The following SYNE2 variants were observed in gnomAD, a reference collection of about 807,000 sequenced individuals.
SYNE2 encodes spectrin repeat containing nuclear envelope protein 2, also known as nesprin-2.
SYNE2 carries 431 observed loss-of-function variants against 856.3 expected under a neutral mutation model. The ratio of observed to expected loss-of-function variants is 0.50; its 90% CI spans 0.47 to 0.55. The LOEUF (loss-of-function observed/expected upper bound fraction) is 0.55, where lower values mean the gene tolerates loss of function less well. Among genes scored for constraint, SYNE2 ranks in the 20% least tolerant of loss-of-function variants. The pLI, the probability that SYNE2 is intolerant of heterozygous loss-of-function variation, is 0.00. For missense variants in SYNE2, 8,129 were observed against 8,023.2 expected (o/e 1.01, Z -0.50); for synonymous variants, 2,923 against 2,872.3 (o/e 1.02, Z -0.56).
upstream of SYNE2, among the ~76,000 whole-genome samples, chr14:63,848,794 G>A (rs1207139349): frequency 6.6e-6 from 1 of 152,204 alleles, no homozygotes; most frequent in Non-Finnish European, 1.5e-5. Context: ...TTGCAATAAT[G>A]ACAGCTATCA....
intron 1 of SYNE2, among the ~76,000 whole-genome samples, chr14:63,882,440 G>C (rs891000859): frequency 6.6e-6 from 1 of 152,102 alleles, no homozygotes; most frequent in African/African-American, 2.4e-5. Context: ...GAGGCCGGGT[G>C]AGCGGTGGCT....
At chr14:64,094,904 A>G in intron 61 of SYNE2, 1 of 167,434 alleles carries the variant, frequency 6.0e-6, no homozygotes. Context: ...TTTAGAGATG[A>G]GGTCTCACTG....
intron 1 of SYNE2, among the ~76,000 whole-genome samples, chr14:63,793,524 C>A (rs543402175): frequency 3.5e-5 from 5 of 143,864 alleles, no homozygotes; most frequent in Non-Finnish European, 1.5e-5. Flanking sequence ...AGTTGTCAAG[C>A]AACATGCTAA....
intron 78 of SYNE2, among the ~76,000 whole-genome samples, chr14:64,135,439 G>A (rs891065784): frequency 1.3e-5 from 2 of 151,648 alleles, no homozygotes; most frequent in Admixed American, 6.6e-5. Context: ...TCTCATTGCC[G>A]CCTTATTAAT....
chr14:64,094,367 A>G (rs376319265), intron 61 of SYNE2, among the ~76,000 whole-genome samples: 5 of 152,212 alleles, frequency 3.3e-5, no homozygotes, highest in South Asian at 2.1e-4. Context: ...ATAAAAAAAC[A>G]GTGTCCTGTG....
Position 64,210,116 on chromosome 14 carries a change from A to G in SYNE2, c.18715A>G (p.Arg6239Gly). Residue 6239 changes from arginine (R) to glycine (G), a missense_variant, in exon 103 of 116, where the codon AGA becomes GGA. Arg to Gly is a moderately radical substitution (Grantham distance 125). Around this residue, in one of 3 missense-constraint regions of SYNE2, gnomAD observed 5,410 missense variants for 5,284.8 expected, o/e 1.02. Transcript: ENST00000555002. ...LQRRVTAVLRRLRHFTNQREE... is the reference protein window; with the variant it reads ...LQRRVTAVLRGLRHFTNQREE... ...GAGGCGGGTCACAGCCGTCCTGCGG[A>G]GACTCAGGGTGAGCTCCTCTGCACC... The G allele has an allele frequency of 5.0e-6, 8 of 1,613,490 alleles. No homozygotes were observed. Among genetic ancestry groups the G allele is most frequent in the Non-Finnish European group, 6.8e-6 (8 of 1,179,698 alleles).
chr14:64,130,132 G>T lies in SYNE2; in HGVS notation c.14224G>T (p.Ala4742Ser), dbSNP rs768191476. The change falls in exon 76 of 116, where the codon GCT becomes TCT. Residue 4742 changes from alanine (A) to serine (S), a missense_variant. By Grantham distance (99) the Ala-to-Ser change is moderately conservative (BLOSUM62 1). Around this residue, in one of 3 missense-constraint regions of SYNE2, gnomAD observed 5,410 missense variants for 5,284.8 expected, o/e 1.02. Coordinates refer to ENST00000555002, the MANE Select transcript of SYNE2 (RefSeq NM_182914.3). The part of the protein sequence containing the change: ...SPFVTESQQD[A>S]LLQGMVELVK... Reference sequence around the variant, plus strand: ...TTTCGTCACTGAGAGCCAGCAAGATGCTTTGTTGCAAGGCATGGTGGAACT... The same window carrying T: ...TTTCGTCACTGAGAGCCAGCAAGATTCTTTGTTGCAAGGCATGGTGGAACT... The T allele has an allele frequency of 6.2e-7, 1 of 1,614,194 alleles. No individual in the cohort carries two copies. Among genetic ancestry groups the T allele is most frequent in the Non-Finnish European group, 8.5e-7 (1 of 1,180,032 alleles).
At chr14:64,003,670 G>T (rs2096772565) in intron 30 of SYNE2, among the ~76,000 whole-genome samples, 1 of 152,150 alleles carries the variant, frequency 6.6e-6, no homozygotes, top group African/African-American at 2.4e-5. Flanking sequence ...ACAGATGACT[G>T]GCAGACTCCA....
intron 45 of SYNE2, among the ~76,000 whole-genome samples, chr14:64,035,197 G>T (rs2097077191): frequency 6.6e-6 from 1 of 151,896 alleles, no homozygotes. Flanking sequence ...ATCTTGGAAG[G>T]TACAGGCAAA....
At chr14:64,097,309 A>G (rs528808988) in intron 61 of SYNE2, among the ~76,000 whole-genome samples, 77 of 152,138 alleles carry the variant, frequency 5.1e-4, no homozygotes, top group African/African-American at 1.8e-3. Flanking sequence ...AGAAAAAGTA[A>G]ATGATTGAGC....
At chr14:64,169,780 T>C (rs901359170) in intron 93 of SYNE2, among the ~76,000 whole-genome samples, 2 of 152,348 alleles carry the variant, frequency 1.3e-5, no homozygotes, top group Admixed American at 1.3e-4. Context: ...GTGTGAAGGA[T>C]ATTATTTATC....
intron 1 of SYNE2, among the ~76,000 whole-genome samples, chr14:63,900,847 A>G (rs1675210278): frequency 6.6e-6 from 1 of 152,226 alleles, no homozygotes; most frequent in South Asian, 2.1e-4. Flanking sequence ...TTCTGCTGTG[A>G]GCTTGTAAGT....
At chr14:63,893,633 C>G (rs368545365) in intron 1 of SYNE2, among the ~76,000 whole-genome samples, 44 of 152,296 alleles carry the variant, frequency 2.9e-4, no homozygotes, top group African/African-American at 1.0e-3. Flanking sequence ...AATCTTTTCT[C>G]AAACATCTAT....
chr14:63,802,007 A>C (rs1328272588), intron 1 of SYNE2, among the ~76,000 whole-genome samples: 2 of 151,870 alleles, frequency 1.3e-5, no homozygotes, highest in African/African-American at 4.8e-5. Flanking sequence ...AATACTGAAA[A>C]TTTTTAATTC....
At chr14:63,899,874 T>A (rs918158135) in intron 1 of SYNE2, among the ~76,000 whole-genome samples, 2 of 152,348 alleles carry the variant, frequency 1.3e-5, no homozygotes, top group African/African-American at 4.8e-5. Flanking sequence ...GGATAATCCC[T>A]ATAAATGTAT....
intron 20 of SYNE2, 73 bp from the exon 21 acceptor site, chr14:63,990,869 A>G: frequency 8.0e-7 from 1 of 1,254,418 alleles, no homozygotes; most frequent in South Asian, 1.2e-5. Flanking sequence ...GGAAAATAAC[A>G]AAGTATTTGT....
chr14:64,216,172 T>C (rs112209461), intron 107 of SYNE2, 76 bp from the exon 108 acceptor site: 1 of 1,607,422 alleles, frequency 6.2e-7, no homozygotes, highest in East Asian at 2.2e-5. Flanking sequence ...ATTTTCATAC[T>C]GTAACCTGAT....
chr14:64,163,857 A>C (rs1452314568), intron 89 of SYNE2, among the ~76,000 whole-genome samples: 1 of 152,210 alleles, frequency 6.6e-6, no homozygotes, highest in Non-Finnish European at 1.5e-5. Flanking sequence ...TTCTGAGTCA[A>C]GTAATTGAGC....
At position 64,033,943 on chromosome 14, in the gene SYNE2, G is replaced by T. The variant is rs1216370139; in HGVS notation, c.7221+2586G>T. 2.6e-5 allele frequency among the ~76,000 whole-genome samples: 4 copies of T among 151,858 alleles called. No homozygotes were observed. In the East Asian group the frequency reaches 7.7e-4, roughly 29 times the overall value. On this transcript the variant is annotated intron_variant, in intron 45 of 115. Coordinates refer to ENST00000555002, the MANE Select transcript of SYNE2 (RefSeq NM_182914.3). Reference sequence around the variant, plus strand: ...TCTTTTGTAACATGGCTATTTTTCTGTATCTGTATGGCTTATTTTCTCTGA... The same window carrying T: ...TCTTTTGTAACATGGCTATTTTTCTTTATCTGTATGGCTTATTTTCTCTGA...
Sources: allele counts gnomAD v4.1 joint callset (sites outside exome capture counted in the v4.1 genomes callset), GRCh38; gene constraint gnomAD v4.1.1; regional missense constraint gnomAD v4.1.1; transcripts MANE v1.5; gene names NCBI Gene and HGNC (gene_info 2026-07-23, HGNC 2026-07-21).